The following ENTREP2 variants were observed in gnomAD, a reference collection of about 807,000 sequenced individuals.
ENTREP2 encodes the protein endosomal transmembrane epsin interactor 2.
chr15:29,581,727 C>T, the ENTREP2 span, among the ~76,000 whole-genome samples: 1 of 151,726 alleles, frequency 6.6e-6, no homozygotes, highest in South Asian at 2.1e-4. Flanking sequence ...TTTTAAAAGA[C>T]ATATGTACAT....
At chr15:29,410,164 T>A in the ENTREP2 span, among the ~76,000 whole-genome samples, 1 of 152,200 alleles carries the variant, frequency 6.6e-6, no homozygotes, top group Non-Finnish European at 1.5e-5. Context: ...GTCCCCTACC[T>A]AGATGCTTGT....
the ENTREP2 span, among the ~76,000 whole-genome samples, chr15:29,181,637 T>C: frequency 2.0e-5 from 3 of 152,124 alleles, no homozygotes; most frequent in African/African-American, 7.2e-5. Context: ...ATTCATGTAG[T>C]TTCATGTATA....
the ENTREP2 span, among the ~76,000 whole-genome samples, chr15:29,608,892 C>T: frequency 5.3e-5 from 8 of 152,068 alleles, no homozygotes; most frequent in Non-Finnish European, 8.8e-5. Flanking sequence ...ACTGTGGGCA[C>T]CTGAACTACC....
At chr15:29,435,452 T>C in the ENTREP2 span, among the ~76,000 whole-genome samples, 2 of 152,296 alleles carry the variant, frequency 1.3e-5, no homozygotes, top group East Asian at 3.9e-4. Flanking sequence ...TCCTGGGTGA[T>C]GCTTGGGGCA....
chr15:29,634,337 C>T, the ENTREP2 span, among the ~76,000 whole-genome samples: 43 of 152,272 alleles, frequency 2.8e-4, no homozygotes, highest in South Asian at 4.1e-3. Context: ...CAAGTGCACA[C>T]GATCCCCTCC....
At chr15:29,223,211 C>A in the ENTREP2 span, among the ~76,000 whole-genome samples, 1 of 151,552 alleles carries the variant, frequency 6.6e-6, no homozygotes, top group Non-Finnish European at 1.5e-5. Flanking sequence ...TTGGGGAACA[C>A]CACATTAAAA....
At chr15:29,459,666 C>A in the ENTREP2 span, among the ~76,000 whole-genome samples, 1 of 152,158 alleles carries the variant, frequency 6.6e-6, no homozygotes, top group Non-Finnish European at 1.5e-5. Flanking sequence ...GGGAGTGAAG[C>A]CAAGGTTTGC....
chr15:29,355,114 C>T, the ENTREP2 span, among the ~76,000 whole-genome samples: 1 of 152,110 alleles, frequency 6.6e-6, no homozygotes, highest in Non-Finnish European at 1.5e-5. Context: ...GTGAATCCTA[C>T]GAATTCAGGT....
the ENTREP2 span, among the ~76,000 whole-genome samples, chr15:29,548,175 T>C: frequency 1.3e-5 from 2 of 151,978 alleles, no homozygotes; most frequent in African/African-American, 4.8e-5. Flanking sequence ...ATGGATAAGA[T>C]GGGGCCGGGT....
At chr15:29,144,991 G>A in the ENTREP2 span, among the ~76,000 whole-genome samples, 3 of 152,194 alleles carry the variant, frequency 2.0e-5, no homozygotes, top group African/African-American at 4.8e-5. Context: ...GGGAGGTGGA[G>A]GATGCAGTCA....
At chr15:29,323,273 C>T in the ENTREP2 span, among the ~76,000 whole-genome samples, 8,552 of 152,116 alleles carry the variant, frequency 0.056, 782 homozygotes, top group African/African-American at 0.19. Flanking sequence ...GTGGAGAGGG[C>T]CTGAAGGCTA....
the ENTREP2 span, among the ~76,000 whole-genome samples, chr15:29,133,571 G>A: frequency 1.1e-4 from 16 of 152,198 alleles, no homozygotes; most frequent in Admixed American, 3.3e-4. Context: ...GGTGCGCCAC[G>A]TGGCCCTGGA....
At chr15:29,565,578 G>T in the ENTREP2 span, among the ~76,000 whole-genome samples, 2 of 152,188 alleles carry the variant, frequency 1.3e-5, no homozygotes, top group Non-Finnish European at 2.9e-5. Context: ...TTATGGCTGG[G>T]AATATTCGTT....
At chr15:29,269,233 A>G in the ENTREP2 span, 1 of 1,614,090 alleles carries the variant, frequency 6.2e-7, no homozygotes, top group East Asian at 2.2e-5. Flanking sequence ...CACAGGCTCC[A>G]GGGTGTTGAT....
At chr15:29,289,209 A>G in the ENTREP2 span, among the ~76,000 whole-genome samples, 1 of 150,872 alleles carries the variant, frequency 6.6e-6, no homozygotes, top group South Asian at 2.1e-4. Flanking sequence ...CCTGTCTCAA[A>G]AAAAAAAAAA....
At chr15:29,321,357 A>T in the ENTREP2 span, among the ~76,000 whole-genome samples, 1 of 152,196 alleles carries the variant, frequency 6.6e-6, no homozygotes, top group Non-Finnish European at 1.5e-5. Flanking sequence ...ATCCCATAAA[A>T]GTGAAAAAGA....
At chr15:29,674,400 G>A in the ENTREP2 span, among the ~76,000 whole-genome samples, 1 of 152,086 alleles carries the variant, frequency 6.6e-6, no homozygotes, top group African/African-American at 2.4e-5. Flanking sequence ...CTCCCGAGTA[G>A]CTGGGACTAC....
chr15:29,497,065 A>G, the ENTREP2 span, among the ~76,000 whole-genome samples: 1 of 152,170 alleles, frequency 6.6e-6, no homozygotes, highest in Non-Finnish European at 1.5e-5. Flanking sequence ...TTATCAATGC[A>G]TTAATGCTGA....
At chr15:29,417,614 G>A in the ENTREP2 span, among the ~76,000 whole-genome samples, 258 of 151,922 alleles carry the variant, frequency 1.7e-3, 2 homozygotes, top group African/African-American at 6.2e-3. Flanking sequence ...TGCACGTTGT[G>A]CACAGGTACC....
Sources: allele counts gnomAD v4.1 joint callset (sites outside exome capture counted in the v4.1 genomes callset), GRCh38; gene constraint gnomAD v4.1.1; transcripts MANE v1.5; gene names NCBI Gene and HGNC (gene_info 2026-07-23, HGNC 2026-07-21).